The following CPNE4 variants were observed in gnomAD, a reference collection of about 807,000 sequenced individuals.
CPNE4 encodes the protein copine 4, also known as copine-4.
In CPNE4, 25 loss-of-function variants were observed where a neutral mutation model predicts 67.9. That is an observed-to-expected ratio of 0.37 (90% CI 0.27 to 0.51). CPNE4 has a LOEUF of 0.51. Among genes scored for constraint, CPNE4 ranks in the 20% least tolerant of loss-of-function variants. The pLI is 0.93. For synonymous variants in CPNE4, 242 were observed against 244.9 expected (o/e 0.99, Z 0.11); for missense variants, 464 against 690.8 (o/e 0.67, Z 3.68).
intron 2 of CPNE4, among the ~76,000 whole-genome samples, chr3:131,885,339 T>G (rs1484444760): frequency 1.3e-5 from 2 of 150,916 alleles, no homozygotes; most frequent in African/African-American, 2.4e-5. Flanking sequence ...AAATTTCTTT[T>G]TTTTTTTTTC....
chr3:131,582,826 G>T (rs186765778), intron 8 of CPNE4, among the ~76,000 whole-genome samples: 9 of 144,510 alleles, frequency 6.2e-5, no homozygotes, highest in African/African-American at 1.1e-4. Flanking sequence ...CATCCTGGCT[G>T]CTGAGGCACA....
intron 14 of CPNE4, among the ~76,000 whole-genome samples, chr3:131,546,759 T>C (rs1300410786): frequency 2.6e-5 from 4 of 152,120 alleles, no homozygotes; most frequent in Non-Finnish European, 5.9e-5. Context: ...GCCATGTGAG[T>C]CCTGGTACCC....
intron 1 of CPNE4, among the ~76,000 whole-genome samples, chr3:132,023,156 A>G (rs970550181): frequency 6.6e-6 from 1 of 152,194 alleles, no homozygotes; most frequent in Non-Finnish European, 1.5e-5. Context: ...TTAACCCATA[A>G]TTCAGCTGCC....
rs866376855 is a variant in CPNE4 at position 131,887,050 on chromosome 3, G to C, written c.180+18214C>G. Among the ~76,000 whole-genome samples the C allele has an allele frequency of 2.6e-5, 4 of 152,274 alleles. No homozygotes were observed. In the South Asian group the frequency reaches 8.3e-4, roughly 32 times the overall value. ...TGAGATTTGGCAGGGGCCAGGGGTG[G>C]AATGATATTGTTTGGCTCCGTGTCC... is the stretch of plus-strand genomic sequence containing the variant. On this transcript the variant is annotated intron_variant, in intron 2 of 15. Coordinates refer to ENST00000429747, the MANE Select transcript of CPNE4 (RefSeq NM_130808.3).
Position 132,004,408 on chromosome 3 carries a change from G to T in CPNE4, c.-2+30159C>A, listed in dbSNP as rs1441277219. Among the ~76,000 whole-genome samples, 4 of 152,030 alleles carry T rather than the reference G, an allele frequency of 2.6e-5. No individual in the cohort carries two copies. In the South Asian group the frequency reaches 8.3e-4, roughly 32 times the overall value. On this transcript the variant is annotated intron_variant, in intron 1 of 15. Coordinates refer to ENST00000429747, the MANE Select transcript of CPNE4 (RefSeq NM_130808.3). ...AGGATGCATGTATGTCTGCATATGT[G>T]TGTATGTACATGTGGAGAGACAGAG...
At chr3:132,033,390 AGTGTGTGTGTGTGTCTGTGTGTGT>A (rs1003660697) in intron 1 of CPNE4, among the ~76,000 whole-genome samples, 7 of 111,762 alleles carry the variant, frequency 6.3e-5, no homozygotes, top group East Asian at 2.4e-4. Flanking sequence ...AGAGTGTGTG[AGTGTGTGTGTGTGTCTGTGTGTGT>A]GTGTGTGTGT....
At chr3:131,700,313 A>G (rs2081266605) in intron 3 of CPNE4, among the ~76,000 whole-genome samples, 1 of 152,152 alleles carries the variant, frequency 6.6e-6, no homozygotes, top group African/African-American at 2.4e-5. Context: ...CAAAGTAGAT[A>G]AAGTTTCAAA....
chr3:131,564,439 G>C (rs1936954295), intron 10 of CPNE4, 90 bp from the exon 11 acceptor site: 1 of 1,188,294 alleles, frequency 8.4e-7, no homozygotes, highest in African/African-American at 1.6e-5. Context: ...CTGGCCTCGG[G>C]TCAAAAACAG....
chr3:131,935,988 A>T (rs1294989664), intron 1 of CPNE4, among the ~76,000 whole-genome samples: 5 of 152,044 alleles, frequency 3.3e-5, no homozygotes, highest in African/African-American at 1.2e-4. Context: ...GACAATGTAC[A>T]GTTCAGAACC....
At chr3:131,788,933 T>C (rs2083636618) in intron 2 of CPNE4, among the ~76,000 whole-genome samples, 4 of 151,964 alleles carry the variant, frequency 2.6e-5, no homozygotes, top group African/African-American at 4.8e-5. Flanking sequence ...TTATGGTTTT[T>C]CCACATTCTT....
chr3:132,000,053 C>CAA (rs10566178), intron 1 of CPNE4, among the ~76,000 whole-genome samples: 3 of 148,772 alleles, frequency 2.0e-5, no homozygotes, highest in Non-Finnish European at 3.0e-5. Flanking sequence ...AGGAAATAGG[C>CAA]AAAAAAAAAA....
At chr3:131,550,932 C>T (rs964908779) in intron 13 of CPNE4, among the ~76,000 whole-genome samples, 1 of 152,136 alleles carries the variant, frequency 6.6e-6, no homozygotes, top group African/African-American at 2.4e-5. Context: ...CTTGACTGTA[C>T]ATTTCATGTT....
intron 1 of CPNE4, among the ~76,000 whole-genome samples, chr3:131,929,467 G>C (rs1475833966): frequency 1.3e-5 from 2 of 152,040 alleles, no homozygotes; most frequent in African/African-American, 2.4e-5. Flanking sequence ...ATAAAAATCT[G>C]TCTGCTTTGG....
intron 10 of CPNE4, among the ~76,000 whole-genome samples, chr3:131,571,037 C>T (rs976060330): frequency 6.6e-5 from 10 of 151,992 alleles, no homozygotes; most frequent in African/African-American, 2.2e-4. Context: ...CTTCTGTTTA[C>T]ACTCTAACTC....
At chr3:131,619,197 A>G (rs1462088030) in intron 7 of CPNE4, among the ~76,000 whole-genome samples, 2 of 152,222 alleles carry the variant, frequency 1.3e-5, no homozygotes, top group African/African-American at 4.8e-5. Flanking sequence ...CTAAATCCCC[A>G]TGATGGTGTA....
chr3:131,871,564 T>A (rs1441421128), intron 2 of CPNE4, among the ~76,000 whole-genome samples: 1 of 152,212 alleles, frequency 6.6e-6, no homozygotes, highest in Non-Finnish European at 1.5e-5. Context: ...ATCAACATTT[T>A]CTGTGGGTCC....
intron 3 of CPNE4, among the ~76,000 whole-genome samples, chr3:131,718,832 G>T (rs1034584055): frequency 6.6e-6 from 1 of 152,206 alleles, no homozygotes; most frequent in Non-Finnish European, 1.5e-5. Context: ...TATCCAGGGT[G>T]CTTGCTAAAC....
intron 2 of CPNE4, among the ~76,000 whole-genome samples, chr3:131,755,964 G>A (rs970815390): frequency 6.6e-6 from 1 of 152,052 alleles, no homozygotes; most frequent in African/African-American, 2.4e-5. Context: ...CCTTCTGAGA[G>A]AATGCCAATA....
chr3:132,022,428 C>T (rs1484965776), intron 1 of CPNE4, among the ~76,000 whole-genome samples: 1 of 152,136 alleles, frequency 6.6e-6, no homozygotes, highest in Non-Finnish European at 1.5e-5. Flanking sequence ...CAGGAGGTGG[C>T]CCCTCATGGG....
Sources: gnomAD v4.1 joint callset for allele counts (sites outside exome capture counted in the v4.1 genomes callset) on GRCh38, gnomAD v4.1.1 for gene constraint, MANE v1.5 for transcripts, NCBI Gene and HGNC (gene_info 2026-07-23, HGNC 2026-07-21) for gene names.